The following PCDHGA11 variants were observed in gnomAD, a reference collection of about 807,000 sequenced individuals.
PCDHGA11 encodes protocadherin gamma subfamily A, 11.
PCDHGA11 carries 39 observed loss-of-function variants against 60.4 expected under a neutral mutation model. The ratio of observed to expected loss-of-function variants is 0.65; its 90% confidence interval spans 0.50 to 0.84. PCDHGA11 has a LOEUF of 0.84. PCDHGA11 is among the 40% of genes least tolerant of loss of function. The pLI is 0.00. For missense variants in PCDHGA11, 1,165 were observed against 1,197.7 expected, an observed-to-expected ratio of 0.97 and a Z score of 0.40; for synonymous variants, 533 against 510.3, an observed-to-expected ratio of 1.04 and a Z score of -0.60.
intron 1 of PCDHGA11, among the ~76,000 whole-genome samples, chr5:141,450,685 C>T (rs542985781): frequency 6.6e-6 from 1 of 152,020 alleles, no homozygotes; most frequent in South Asian, 2.1e-4. Context: ...CGGGGTTTTG[C>T]CATGTTGCCC....
intron 1 of PCDHGA11, chr5:141,471,546 G>T (rs1271594387): frequency 6.6e-6 from 1 of 152,202 alleles, no homozygotes; most frequent in African/African-American, 2.4e-5. Flanking sequence ...AGCATTTAAG[G>T]TTGCTTTGAC....
At chr5:141,457,555 C>A (rs1425159883) in intron 1 of PCDHGA11, among the ~76,000 whole-genome samples, 2 of 152,168 alleles carry the variant, frequency 1.3e-5, no homozygotes. Context: ...GTATGATAAG[C>A]TTTGGAGCAA....
At chr5:141,498,429 G>T (rs1595525351) in intron 2 of PCDHGA11, among the ~76,000 whole-genome samples, 1 of 152,290 alleles carries the variant, frequency 6.6e-6, no homozygotes, top group East Asian at 1.9e-4. Flanking sequence ...GGAGTGAGGG[G>T]ATGAAGAGGA....
intron 2 of PCDHGA11, 36 bp from the exon 3 acceptor site, chr5:141,505,357 T>A (rs1026098450): frequency 6.2e-7 from 1 of 1,613,762 alleles, no homozygotes; most frequent in African/African-American, 1.3e-5. Context: ...TGTGCCGGCC[T>A]GGGAGTCTGT....
chr5:141,456,335 G>A (rs2098850730), intron 1 of PCDHGA11, among the ~76,000 whole-genome samples: 1 of 152,114 alleles, frequency 6.6e-6, no homozygotes. Flanking sequence ...TTGATCTAAG[G>A]GTCCTCGGAA....
At chr5:141,461,178 G>A (rs2154567263) in intron 1 of PCDHGA11, among the ~76,000 whole-genome samples, 1 of 152,144 alleles carries the variant, frequency 6.6e-6, no homozygotes, top group East Asian at 1.9e-4. Context: ...TGGATTGAAT[G>A]GTAGATCTGT....
intron 1 of PCDHGA11, chr5:141,428,279 C>A: frequency 2.7e-6 from 2 of 753,232 alleles, no homozygotes; most frequent in South Asian, 3.0e-5. Context: ...CCCTCTGATT[C>A]CCAAGCAAAG....
intron 2 of PCDHGA11, among the ~76,000 whole-genome samples, chr5:141,497,290 C>A (rs182104163): frequency 4.7e-4 from 72 of 152,184 alleles, no homozygotes; most frequent in Middle Eastern, 3.4e-3. Flanking sequence ...CTCTACCTAC[C>A]ACCACCCCAG....
intron 1 of PCDHGA11, among the ~76,000 whole-genome samples, chr5:141,458,726 C>T (rs1301761231): frequency 1.3e-5 from 2 of 151,992 alleles, no homozygotes; most frequent in African/African-American, 4.8e-5. Flanking sequence ...TTCGCCACCA[C>T]ATCCAGCTAT....
In PCDHGA11 at chr5:141,511,125, A is replaced by T. The variant is rs755685600; in HGVS notation, c.2760A>T (p.Ala920=). Residue 920 remains alanine, a synonymous_variant, in exon 4 of 4, where the codon GCA becomes GCT. Transcript: ENST00000398587. ...GCAAGCGGGATGGCAAGGCCCCAGCAGGTGGCAATGGCAACAAGAAGAAGT... is the reference window on the plus strand; with the variant it reads ...GCAAGCGGGATGGCAAGGCCCCAGCTGGTGGCAATGGCAACAAGAAGAAGT... ...AAGKRDGKAP[A]GGNGNKKKSG... 2 of 1,614,216 alleles carry T rather than the reference A, an allele frequency of 1.2e-6. No individual in the cohort carries two copies. The highest frequency in any genetic ancestry group is 2.2e-5 in the South Asian group (2 of 91,092).
At chr5:141,434,980 CTA>C in intron 1 of PCDHGA11, among the ~76,000 whole-genome samples, 1 of 151,954 alleles carries the variant, frequency 6.6e-6, no homozygotes, top group East Asian at 1.9e-4. Flanking sequence ...TGTTAATACT[CTA>C]TATCATTTTC....
chr5:141,486,346 C>G lies in PCDHGA11; in HGVS notation c.2434-8461C>G. 1 of 1,614,120 alleles carries G rather than the reference C, an allele frequency of 6.2e-7. No individual in the cohort carries two copies. Among genetic ancestry groups the G allele is most frequent in the East Asian group, 2.2e-5 (1 of 44,874 alleles). ...GAGATGTGAGCCTCCGCATTCCTGA[C>G]CACTTGCCATTTGCCCTCAAGTCTG... On this transcript the variant is annotated intron_variant, in intron 1 of 3. Coordinates refer to ENST00000398587, the MANE Select transcript of PCDHGA11 (RefSeq NM_018914.3). This position sits in a 1 kb window ranked among gnomAD's most constrained non-coding sequence, Gnocchi z 5.0.
Position 141,489,068 on chromosome 5 carries a change from G to GGCC in PCDHGA11, c.2434-5739_2434-5738insGCC. The GGCC allele has an allele frequency of 3.4e-6, 1 of 291,556 alleles. No individual in the cohort carries two copies. The allele number at this position is 291,556 out of a possible 1,614,324, so 18.1% of individuals were successfully genotyped here. A position where few individuals can be genotyped will look rare whatever the true frequency, so the allele number is the denominator to read the frequency against. ...CTCAAATTCAGCTCCCCTCCCCCCT[G>GGCC]CCCACCCCCGCCACTCGGTGACTAA... On this transcript the variant is annotated intron_variant, in intron 1 of 3. Coordinates refer to ENST00000398587, the MANE Select transcript of PCDHGA11 (RefSeq NM_018914.3). The surrounding 1 kb of genome is among the most constrained non-coding windows in gnomAD (Gnocchi z 4.5).
intron 1 of PCDHGA11, chr5:141,427,889 G>A: frequency 1.3e-6 from 2 of 1,566,516 alleles, no homozygotes; most frequent in Non-Finnish European, 1.7e-6. Context: ...CCCACGACCA[G>A]GGCTCGCCCG....
chr5:141,482,102 A>T (rs1016315214), intron 1 of PCDHGA11, among the ~76,000 whole-genome samples: 13 of 151,860 alleles, frequency 8.6e-5, no homozygotes, highest in African/African-American at 2.7e-4. Context: ...AAAAAAAAAA[A>T]AAATATCTAG....
intron 2 of PCDHGA11, among the ~76,000 whole-genome samples, chr5:141,501,290 T>TACACATACAC (rs1224133816): frequency 4.6e-4 from 62 of 136,246 alleles, no homozygotes; most frequent in Admixed American, 7.0e-4. Flanking sequence ...TATTCCCTTA[T>TACACATACAC]ACACACACAC....
Position 141,511,617 on chromosome 5 carries a change from C to T in PCDHGA11, c.*444C>T, listed in dbSNP as rs1562253545. The T allele has an allele frequency of 4.3e-6, 1 of 233,232 alleles. No homozygotes were observed. Among genetic ancestry groups the T allele is most frequent in the African/African-American group, 2.2e-5 (1 of 45,220 alleles). The allele number at this position is 233,232 out of a possible 1,614,324, so 14.4% of individuals were successfully genotyped here. A position where few individuals can be genotyped will look rare whatever the true frequency, so the allele number is the denominator to read the frequency against. Reference sequence around the variant, plus strand: ...CAAGTAACCTACAAGCCTCCTAGTTCTGAAAAGTTGGAAGGGCATCATGAC... The same window carrying T: ...CAAGTAACCTACAAGCCTCCTAGTTTTGAAAAGTTGGAAGGGCATCATGAC... On this transcript the variant is annotated 3_prime_UTR_variant, in exon 4 of 4. Coordinates refer to ENST00000398587, the MANE Select transcript of PCDHGA11 (RefSeq NM_018914.3).
chr5:141,504,836 C>A (rs550489904), intron 2 of PCDHGA11, among the ~76,000 whole-genome samples: 2 of 152,200 alleles, frequency 1.3e-5, no homozygotes, highest in East Asian at 3.9e-4. Context: ...TTTTCTCTAG[C>A]TCTGGAACAT....
chr5:141,500,554 C>A (rs2099801320), intron 2 of PCDHGA11, among the ~76,000 whole-genome samples: 1 of 152,212 alleles, frequency 6.6e-6, no homozygotes, highest in Admixed American at 6.5e-5. Context: ...AAGTTGTTCA[C>A]AAACTTGTCA....
Sources: gnomAD v4.1 joint callset for allele counts (sites outside exome capture counted in the v4.1 genomes callset) on GRCh38, gnomAD v4.1.1 for gene constraint, Gnocchi (gnomAD v3.1) non-coding constraint, MANE v1.5 for transcripts, NCBI Gene and HGNC (gene_info 2026-07-23, HGNC 2026-07-21) for gene names.